Variants in GPBP1L1 observed in about 807,000 individuals in gnomAD.
GPBP1L1 encodes vasculin-like protein 1.
Under a neutral mutation model 52.5 loss-of-function variants are expected in GPBP1L1, and 23 were observed. The observed-to-expected ratio is 0.44, with a 90% CI of 0.32 to 0.62. The LOEUF (loss-of-function observed/expected upper bound fraction) is 0.62, where lower values mean the gene tolerates loss of function less well. GPBP1L1 is among the 20% of genes least tolerant of loss of function. The pLI is 0.06. For missense variants in GPBP1L1, 596 were observed against 579.3 expected (o/e 1.03, Z -0.30); for synonymous variants, 243 against 203.1 (o/e 1.20, Z -1.67).
intron 11 of GPBP1L1, among the ~76,000 whole-genome samples, 192 bp downstream of exon 11, chr1:45,630,290 G>C (rs78963973): frequency 6.6e-6 from 1 of 152,174 alleles, no homozygotes; most frequent in Non-Finnish European, 1.5e-5. Flanking sequence ...GTAGATTGTG[G>C]AAAAGATGGC....
At chr1:45,659,296 G>A (rs1400877375) in intron 3 of GPBP1L1, among the ~76,000 whole-genome samples, 154 bp from the exon 4 acceptor site, 2 of 152,206 alleles carry the variant, frequency 1.3e-5, no homozygotes, top group Non-Finnish European at 2.9e-5. Flanking sequence ...ACTCAGAGAA[G>A]TTCTAAATAA....
intron 6 of GPBP1L1, among the ~76,000 whole-genome samples, chr1:45,650,210 C>T (rs1644803743): frequency 6.6e-6 from 1 of 152,128 alleles, no homozygotes. Flanking sequence ...CAAACACATC[C>T]AAGTCTCCTA....
In GPBP1L1 at chr1:45,661,991, G is replaced by A. The variant is rs572361836; in HGVS notation, c.-1097-766C>T. On this transcript the variant is annotated intron_variant, in intron 2 of 12. Coordinates refer to ENST00000355105, the MANE Select transcript of GPBP1L1 (RefSeq NM_021639.5). ...CACAGCTAGGATCCTTGAGATATCT[G>A]TCACAGTATATTTTATATATTTATA... Among the ~76,000 whole-genome samples the A allele has an allele frequency of 3.3e-5, 5 of 152,262 alleles. No homozygotes were observed. In the South Asian group the frequency reaches 1.0e-3, roughly 32 times the overall value.
upstream of GPBP1L1, chr1:45,686,845 G>A (rs775965965): frequency 6.5e-6 from 1 of 152,716 alleles, no homozygotes; most frequent in Non-Finnish European, 1.5e-5. Context: ...GCACGGACAA[G>A]CCTAGTTTAG....
chr1:45,627,981 A>G lies in GPBP1L1; in HGVS notation c.*275T>C, dbSNP rs1644477588. 1 of 309,992 alleles carries G rather than the reference A, an allele frequency of 3.2e-6. No homozygotes were observed. The highest frequency in any genetic ancestry group is 2.1e-5 in the African/African-American group (1 of 46,822). The allele number at this position is 309,992 out of a possible 1,614,324, so 19.2% of individuals were successfully genotyped here. On this transcript the variant is annotated 3_prime_UTR_variant, in exon 13 of 13. Coordinates refer to ENST00000355105, the MANE Select transcript of GPBP1L1 (RefSeq NM_021639.5). ...CTGCACTGCCAGCTCCTACCTGTGCATCGCCCCATATATACTGGGTGTGTA... is the reference window on the plus strand; with the variant it reads ...CTGCACTGCCAGCTCCTACCTGTGCGTCGCCCCATATATACTGGGTGTGTA...
intron 2 of GPBP1L1, among the ~76,000 whole-genome samples, chr1:45,667,411 CAT>C (rs1645023732): frequency 1.3e-5 from 2 of 152,290 alleles, no homozygotes; most frequent in Non-Finnish European, 2.9e-5. Flanking sequence ...TCGGGCACCT[CAT>C]ATGTCAGGCG....
chr1:45,640,086 A>G (rs1208224112), intron 8 of GPBP1L1, 124 bp downstream of exon 8: 14 of 677,530 alleles, frequency 2.1e-5, no homozygotes, highest in Admixed American at 8.3e-5. Flanking sequence ...CTGTATACAT[A>G]TAACAGGTAC....
At chr1:45,645,764 T>G (rs1221689937) in intron 6 of GPBP1L1, 2 of 339,762 alleles carry the variant, frequency 5.9e-6, no homozygotes, top group Admixed American at 4.5e-5. Context: ...TTCCGAAGTT[T>G]TTTGTTTTTT....
At chr1:45,662,705 T>C (rs1410280780) in intron 2 of GPBP1L1, among the ~76,000 whole-genome samples, 1 of 152,156 alleles carries the variant, frequency 6.6e-6, no homozygotes, top group Non-Finnish European at 1.5e-5. Context: ...AGTTGAGCGA[T>C]GGGTACAAGA....
intron 2 of GPBP1L1, 145 bp downstream of exon 2, chr1:45,685,431 A>G (rs1645268312): frequency 6.6e-6 from 1 of 152,222 alleles, no homozygotes; most frequent in South Asian, 2.1e-4. Context: ...AAATATGACA[A>G]GCCAACTTCA....
chr1:45,628,135 T>TTA lies in GPBP1L1; in HGVS notation c.*119_*120dup, dbSNP rs1644481289. ...CAATTGCTCTCTCTTTGGGATATGA[T>TTA]TATTTCCCTTGTGAATGAAGTATTC... On this transcript the variant is annotated 3_prime_UTR_variant, in exon 13 of 13. Coordinates refer to ENST00000355105, the MANE Select transcript of GPBP1L1 (RefSeq NM_021639.5). 1 of 965,340 alleles carries TTA rather than the reference T, an allele frequency of 1.0e-6. No homozygotes were observed. The highest frequency in any genetic ancestry group is 1.6e-6 in the Non-Finnish European group (1 of 637,542). The allele number at this position is 965,340 out of a possible 1,614,324, so 59.8% of individuals were successfully genotyped here.
At chr1:45,641,243 C>G (rs1426557306) in intron 7 of GPBP1L1, among the ~76,000 whole-genome samples, 1 of 152,062 alleles carries the variant, frequency 6.6e-6, no homozygotes, top group African/African-American at 2.4e-5. Flanking sequence ...AAAGACTTCC[C>G]ATGTTCTTGG....
chr1:45,648,127 C>T (rs1644775325), intron 6 of GPBP1L1, among the ~76,000 whole-genome samples: 1 of 151,954 alleles, frequency 6.6e-6, no homozygotes, highest in Non-Finnish European at 1.5e-5. Context: ...TTTGTAGAGA[C>T]AAAAGTTTCA....
chr1:45,665,934 T>C (rs1279323035), intron 2 of GPBP1L1, among the ~76,000 whole-genome samples: 2 of 152,034 alleles, frequency 1.3e-5, no homozygotes, highest in African/African-American at 4.8e-5. Flanking sequence ...TCTCTGTTCC[T>C]AGACTTAGGT....
intron 3 of GPBP1L1, 51 bp from the exon 4 acceptor site, chr1:45,659,193 A>G: frequency 1.9e-6 from 2 of 1,052,062 alleles, no homozygotes; most frequent in South Asian, 1.3e-5. Flanking sequence ...TCTGATACCA[A>G]TGTGTAAAGG....
At chr1:45,656,934 C>T (rs1183068975) in intron 4 of GPBP1L1, among the ~76,000 whole-genome samples, 1 of 152,136 alleles carries the variant, frequency 6.6e-6, no homozygotes, top group Non-Finnish European at 1.5e-5. Flanking sequence ...AATCCTTCTG[C>T]CTCAGCCTCT....
intron 6 of GPBP1L1, among the ~76,000 whole-genome samples, chr1:45,643,890 G>A (rs964985595): frequency 2.0e-5 from 3 of 151,802 alleles, no homozygotes; most frequent in African/African-American, 4.8e-5. Flanking sequence ...GGCTGGTCTC[G>A]AACTGACCTC....
chr1:45,675,300 AAAATAAAAATAAAT>A (rs888524043), intron 2 of GPBP1L1, among the ~76,000 whole-genome samples: 2 of 152,006 alleles, frequency 1.3e-5, no homozygotes, highest in Non-Finnish European at 2.9e-5. Flanking sequence ...TGTCTCAAAA[AAAATAAAAATAAAT>A]AAATAAAAAT....
intron 2 of GPBP1L1, among the ~76,000 whole-genome samples, chr1:45,675,385 T>C (rs1410515774): frequency 6.6e-6 from 1 of 152,220 alleles, no homozygotes; most frequent in Non-Finnish European, 1.5e-5. Flanking sequence ...TACCTTTTTA[T>C]GTATTTATCT....
Sources: allele counts gnomAD v4.1 joint callset (sites outside exome capture counted in the v4.1 genomes callset), GRCh38; gene constraint gnomAD v4.1.1; transcripts MANE v1.5; gene names NCBI Gene and HGNC (gene_info 2026-07-23, HGNC 2026-07-21).